TMEM127: variants seen among roughly 807,000 people sequenced by gnomAD.
TMEM127 encodes the protein transmembrane protein 127.
In TMEM127, 21 loss-of-function variants were observed where a neutral mutation model predicts 20.1. That is an observed-to-expected ratio of 1.04 (90% CI 0.74 to 1.50). The LOEUF (loss-of-function observed/expected upper bound fraction) is 1.50. Among genes scored for constraint, TMEM127 ranks in the 40% most tolerant of loss-of-function variants. The pLI, the probability that TMEM127 is intolerant of heterozygous loss-of-function variation, is 0.00. For missense variants in TMEM127, 303 were observed against 317.4 expected, an observed-to-expected ratio of 0.95 and a Z score of 0.34; for synonymous variants, 150 against 144.7, an observed-to-expected ratio of 1.04 and a Z score of -0.26.
At chr2:96,254,190 C>T (rs1684155209) in intron 3 of TMEM127, 75 bp from the exon 4 acceptor site, 1 of 1,578,274 alleles carries the variant, frequency 6.3e-7, no homozygotes, top group African/African-American at 1.3e-5. Flanking sequence ...GACCCAATCA[C>T]AGCCTCTCTA....
At position 96,251,710 on chromosome 2, in the gene TMEM127, A is replaced by T; in HGVS notation, c.*2098T>A. 4.3e-6 allele frequency: 1 copy of T among 232,934 alleles called. No homozygotes were observed. Among genetic ancestry groups the T allele is most frequent in the East Asian group, 6.1e-5 (1 of 16,506 alleles). 14.4% of individuals were successfully genotyped at this position (232,934 alleles called of 1,614,324 possible). On this transcript the variant is annotated 3_prime_UTR_variant, in exon 4 of 4. Coordinates refer to ENST00000258439, the MANE Select transcript of TMEM127 (RefSeq NM_017849.4). ...CCCTTTTAATTTTTTTCTAGAAAAAAAAACACAACCCGGGGAATTTATATG... is the reference window on the plus strand; with the variant it reads ...CCCTTTTAATTTTTTTCTAGAAAAATAAACACAACCCGGGGAATTTATATG...
At chr2:96,256,635 TA>T (rs1171946971) in intron 2 of TMEM127, among the ~76,000 whole-genome samples, 1 of 151,222 alleles carries the variant, frequency 6.6e-6, no homozygotes. Context: ...ACCACAATTT[TA>T]AAAAAAAGTA....
chr2:96,258,953 G>C (rs1684262431), intron 2 of TMEM127, among the ~76,000 whole-genome samples: 1 of 152,180 alleles, frequency 6.6e-6, no homozygotes, highest in Non-Finnish European at 1.5e-5. Flanking sequence ...GCTTCAAGGA[G>C]CCTGTATTGT....
chr2:96,254,232 C>T, intron 3 of TMEM127, 117 bp from the exon 4 acceptor site: 1 of 1,355,794 alleles, frequency 7.4e-7, no homozygotes. Context: ...ACCTGCCTGG[C>T]CCCAGACTCT....
Position 96,253,730 on chromosome 2 carries a change from G to T in TMEM127, c.*78C>A. 1 of 1,495,596 alleles carries T rather than the reference G, an allele frequency of 6.7e-7. No homozygotes were observed. The highest frequency in any genetic ancestry group is 2.0e-5 in the Admixed American group (1 of 50,030). 92.6% of individuals were successfully genotyped at this position (1,495,596 alleles called of 1,614,324 possible). On this transcript the variant is annotated 3_prime_UTR_variant, in exon 4 of 4. Transcript: ENST00000258439. The surrounding 1 kb of genome is among the most constrained non-coding windows in gnomAD (Gnocchi z 4.3). Reference sequence around the variant, plus strand: ...GATCCTACCAGTGAGGCCTGCTGGGGAAAGGAGCTCCTCTGGGTGCGAGAG... The same window carrying T: ...GATCCTACCAGTGAGGCCTGCTGGGTAAAGGAGCTCCTCTGGGTGCGAGAG...
At chr2:96,259,123 C>G (rs1684265809) in intron 2 of TMEM127, among the ~76,000 whole-genome samples, 1 of 152,232 alleles carries the variant, frequency 6.6e-6, no homozygotes, top group Non-Finnish European at 1.5e-5. Context: ...ACATCCCTCC[C>G]CTTGCGGATG....
Position 96,265,166 on chromosome 2 carries a change from C to T in TMEM127, c.216G>A (p.Leu72=). The change falls in exon 2 of 4, where the codon TTG becomes TTA. Residue 72 remains leucine, a synonymous_variant. Coordinates refer to ENST00000258439, the MANE Select transcript of TMEM127 (RefSeq NM_017849.4). ...TCAGCAGGTCCGGGTGCACATAGCC[C>T]AACACGTCGGAGACCCCCAGCTCCT... The part of the protein sequence containing the change: ...SRQELGVSDV[L]GYVHPDLLKD... The T allele has an allele frequency of 6.2e-7, 1 of 1,611,478 alleles. No homozygotes were observed. The highest frequency in any genetic ancestry group is 2.2e-5 in the East Asian group (1 of 44,862).
At chr2:96,264,468 C>T (rs531802420) in intron 2 of TMEM127, among the ~76,000 whole-genome samples, 1 of 152,296 alleles carries the variant, frequency 6.6e-6, no homozygotes, top group Non-Finnish European at 1.5e-5. Flanking sequence ...GTCCTGTCCT[C>T]ACACTTCACA....
At position 96,265,223 on chromosome 2, in the gene TMEM127, C is replaced by A. The variant is rs761977373; in HGVS notation, c.159G>T (p.Trp53Cys). 1.2e-6 allele frequency: 2 copies of A among 1,604,710 alleles called. No homozygotes were observed. The highest frequency in any genetic ancestry group is 2.2e-5 in the South Asian group (2 of 89,884). Reference sequence around the variant, plus strand: ...AACAGGTGCCTCCGTGGATGTGCAACCAGGCGGGCTCGGCGAGGGCAGTGC... The same window carrying A: ...AACAGGTGCCTCCGTGGATGTGCAAACAGGCGGGCTCGGCGAGGGCAGTGC... ...ALCTALAEPA[W>C]LHIHGGTCSR... Residue 53 changes from tryptophan (W) to cysteine (C), a missense_variant, in exon 2 of 4, where the codon TGG becomes TGT. Transcript: ENST00000258439.
intron 2 of TMEM127, among the ~76,000 whole-genome samples, chr2:96,260,244 G>C (rs987464528): frequency 2.0e-5 from 3 of 152,230 alleles, no homozygotes; most frequent in Admixed American, 2.0e-4. Context: ...GACAGGCTTG[G>C]AGCCCAGCTC....
chr2:96,260,661 G>A (rs1242221227), intron 2 of TMEM127: 1 of 152,238 alleles, frequency 6.6e-6, no homozygotes, highest in Non-Finnish European at 1.5e-5. Context: ...GCCTCTTCCT[G>A]TCTATCTGCC....
rs147090437 is a variant in TMEM127, at chr2:96,263,567, A to G, written c.244+1571T>C. On this transcript the variant is annotated intron_variant, in intron 2 of 3. Coordinates refer to ENST00000258439, the MANE Select transcript of TMEM127 (RefSeq NM_017849.4). ...TATTTTTAACATGCCTTCGACAAGG[A>G]TGCACACCAAAGTGAAATAATTATG... 6.3e-3 allele frequency among the ~76,000 whole-genome samples: 962 copies of G among 152,282 alleles called. 11 individuals are homozygous for G. The highest frequency in any genetic ancestry group is 0.022 in the African/African-American group (920 of 41,562).
chr2:96,265,005 G>A, intron 2 of TMEM127, 133 bp downstream of exon 2: 1 of 1,439,782 alleles, frequency 6.9e-7, no homozygotes, highest in Non-Finnish European at 9.5e-7. Context: ...GAGCCACCTG[G>A]TGGGCATGAA....
intron 2 of TMEM127, among the ~76,000 whole-genome samples, chr2:96,259,326 A>G (rs564056730): frequency 6.6e-6 from 1 of 152,204 alleles, no homozygotes; most frequent in Non-Finnish European, 1.5e-5. Context: ...ATTCCAAACC[A>G]TGATCAGGCT....
At chr2:96,259,418 A>G (rs1684272402) in intron 2 of TMEM127, among the ~76,000 whole-genome samples, 1 of 152,226 alleles carries the variant, frequency 6.6e-6, no homozygotes, top group Non-Finnish European at 1.5e-5. Context: ...ATCAATTCCT[A>G]AAGAGTTGTG....
intron 2 of TMEM127, 145 bp from the exon 3 acceptor site, chr2:96,255,142 G>A: frequency 2.6e-6 from 3 of 1,147,722 alleles, no homozygotes; most frequent in South Asian, 2.7e-5. Flanking sequence ...CTGCTCCTGG[G>A]TGGTCTGCAG....
intron 2 of TMEM127, 120 bp downstream of exon 2, chr2:96,265,018 C>G (rs1684383837): frequency 6.6e-7 from 1 of 1,510,998 alleles, no homozygotes; most frequent in Non-Finnish European, 8.9e-7. Flanking sequence ...GGCATGAACA[C>G]CAGGCAGTTA....
intron 2 of TMEM127, among the ~76,000 whole-genome samples, chr2:96,261,931 G>C (rs1488856306): frequency 6.6e-6 from 1 of 152,138 alleles, no homozygotes; most frequent in Non-Finnish European, 1.5e-5. Context: ...TCCCATCACC[G>C]GCAGAGACCT....
At chr2:96,254,191 A>G in intron 3 of TMEM127, 76 bp from the exon 4 acceptor site, 1 of 1,576,822 alleles carries the variant, frequency 6.3e-7, no homozygotes. Flanking sequence ...ACCCAATCAC[A>G]GCCTCTCTAC....
Sources: allele counts gnomAD v4.1 joint callset (sites outside exome capture counted in the v4.1 genomes callset), GRCh38; gene constraint gnomAD v4.1.1; non-coding constraint Gnocchi (gnomAD v3.1); transcripts MANE v1.5; gene names NCBI Gene and HGNC (gene_info 2026-07-23, HGNC 2026-07-21).